RSPO2: variants seen among roughly 807,000 people sequenced by gnomAD.
RSPO2 encodes the protein R-spondin-2.
RSPO2 carries 14 observed loss-of-function variants against 30.9 expected under a neutral mutation model. That is an observed-to-expected ratio of 0.45 (90% CI 0.30 to 0.71). RSPO2 has a LOEUF of 0.71. RSPO2 is among the 30% of genes least tolerant of loss of function. The probability of loss-of-function intolerance (pLI) is 0.08; values close to 1 mark genes in which losing one functional copy is unlikely to be tolerated. For synonymous variants in RSPO2, 107 were observed against 96.4 expected, an observed-to-expected ratio of 1.11 and a Z score of -0.64; for missense variants, 264 against 301.9, an observed-to-expected ratio of 0.87 and a Z score of 0.93.
intron 2 of RSPO2, among the ~76,000 whole-genome samples, chr8:107,992,625 A>G (rs1814884508): frequency 6.6e-6 from 1 of 152,182 alleles, no homozygotes; most frequent in Non-Finnish European, 1.5e-5. Flanking sequence ...CCAGATAAAG[A>G]CATGAGTTCT....
At chr8:108,035,854 G>C (rs1309126077) in intron 2 of RSPO2, among the ~76,000 whole-genome samples, 2 of 152,118 alleles carry the variant, frequency 1.3e-5, no homozygotes, top group African/African-American at 4.8e-5. Flanking sequence ...GGGCTCTTGA[G>C]TCACCAAATG....
intron 2 of RSPO2, among the ~76,000 whole-genome samples, chr8:108,017,150 G>A (rs1682793661): frequency 6.6e-6 from 1 of 151,826 alleles, no homozygotes; most frequent in African/African-American, 2.4e-5. Context: ...CCGAGTAGCT[G>A]GGACTACAGG....
chr8:108,022,938 A>C (rs1381527354), intron 2 of RSPO2, among the ~76,000 whole-genome samples: 1 of 151,048 alleles, frequency 6.6e-6, no homozygotes, highest in Admixed American at 6.6e-5. Context: ...AAAAACAAAA[A>C]AAAAAACCAC....
chr8:108,074,306 A>G (rs1490805833), intron 2 of RSPO2, among the ~76,000 whole-genome samples: 1 of 152,196 alleles, frequency 6.6e-6, no homozygotes, highest in East Asian at 1.9e-4. Flanking sequence ...ATTTTAGAGT[A>G]AAAAATAAGA....
intron 3 of RSPO2, among the ~76,000 whole-genome samples, chr8:107,962,826 A>T (rs1813675086): frequency 6.6e-6 from 1 of 152,162 alleles, no homozygotes. Context: ...GAAAAAGAGG[A>T]CTTTACACTT....
chr8:108,003,176 C>G (rs1329498891), intron 2 of RSPO2, among the ~76,000 whole-genome samples: 1 of 148,812 alleles, frequency 6.7e-6, no homozygotes, highest in African/African-American at 2.5e-5. Context: ...CTCAGCCTCC[C>G]AAGTAGCTGG....
Position 108,059,288 on chromosome 8 carries a change from A to T in RSPO2, c.94+23257T>A, listed in dbSNP as rs566565425. ...ACTGGCCATCAGAGAAATGCAAATC[A>T]AAACCACAATGAGATACCATCTCAT... On this transcript the variant is annotated intron_variant, in intron 2 of 5. Coordinates refer to ENST00000276659, the MANE Select transcript of RSPO2 (RefSeq NM_178565.5). 2.9e-4 allele frequency among the ~76,000 whole-genome samples: 44 copies of T among 152,068 alleles called. 3 individuals carry two copies. Among genetic ancestry groups the T allele is most frequent in the African/African-American group, 1.1e-3 (44 of 41,320 alleles).
chr8:107,987,028 C>G (rs1229915090), intron 3 of RSPO2, among the ~76,000 whole-genome samples: 1 of 152,114 alleles, frequency 6.6e-6, no homozygotes, highest in Non-Finnish European at 1.5e-5. Flanking sequence ...TTAATCCAAA[C>G]AATTCCATGA....
chr8:108,071,732 A>AAC (rs1304026947), intron 2 of RSPO2, among the ~76,000 whole-genome samples: 1 of 152,284 alleles, frequency 6.6e-6, no homozygotes, highest in African/African-American at 2.4e-5. Flanking sequence ...AATTCCCTTA[A>AAC]ACACACACAC....
intron 2 of RSPO2, among the ~76,000 whole-genome samples, chr8:108,053,355 A>T (rs1169004944): frequency 6.6e-6 from 1 of 152,216 alleles, no homozygotes; most frequent in Non-Finnish European, 1.5e-5. Context: ...TTCTTAAAAG[A>T]GTTGGAAATC....
At chr8:108,036,419 A>G (rs1321432409) in intron 2 of RSPO2, among the ~76,000 whole-genome samples, 4 of 152,162 alleles carry the variant, frequency 2.6e-5, no homozygotes, top group Non-Finnish European at 5.9e-5. Context: ...AAAACTGACC[A>G]TCTTTCAAGT....
rs865921977 is a variant in RSPO2 at position 107,930,813 on chromosome 8, A to T, written c.616+27267T>A. Reference sequence around the variant, plus strand: ...AGATCAACAGCAGAGCCAGGCATTGAGGTTTGCCCGATTACCAGACACTTG... The same window carrying T: ...AGATCAACAGCAGAGCCAGGCATTGTGGTTTGCCCGATTACCAGACACTTG... On this transcript the variant is annotated intron_variant, in intron 5 of 5. Coordinates refer to ENST00000276659, the MANE Select transcript of RSPO2 (RefSeq NM_178565.5). Among the ~76,000 whole-genome samples the T allele has an allele frequency of 5.6e-4, 86 of 152,304 alleles. 1 individual carries two copies. The highest frequency in any genetic ancestry group is 1.9e-3 in the South Asian group (9 of 4,828).
At chr8:107,942,613 T>C (rs1812935199) in intron 5 of RSPO2, among the ~76,000 whole-genome samples, 1 of 152,180 alleles carries the variant, frequency 6.6e-6, no homozygotes. Flanking sequence ...AAATACAAAA[T>C]CATGTTTGCC....
intron 2 of RSPO2, among the ~76,000 whole-genome samples, chr8:108,038,802 A>G (rs71524735): frequency 0.031 from 4,706 of 152,130 alleles, 103 homozygotes; most frequent in South Asian, 0.053. Context: ...AAGAATGTAC[A>G]TTGTTTATTT....
chr8:107,923,721 T>C (rs1013811364), intron 5 of RSPO2, among the ~76,000 whole-genome samples: 2 of 152,078 alleles, frequency 1.3e-5, no homozygotes, highest in Non-Finnish European at 2.9e-5. Context: ...ATATATACCA[T>C]GGAATACTAT....
intron 3 of RSPO2, among the ~76,000 whole-genome samples, chr8:107,965,798 T>C (rs1329814425): frequency 2.0e-5 from 3 of 152,238 alleles, no homozygotes; most frequent in Non-Finnish European, 2.9e-5. Flanking sequence ...GCACATGCAC[T>C]GTATTTCTAA....
intron 5 of RSPO2, among the ~76,000 whole-genome samples, chr8:107,914,045 A>G (rs1377488626): frequency 4.6e-5 from 7 of 152,290 alleles, no homozygotes; most frequent in East Asian, 1.9e-4. Context: ...ATGAATCACC[A>G]GTGAATCAGA....
chr8:107,913,392 C>T (rs1216751384), intron 5 of RSPO2, among the ~76,000 whole-genome samples: 1 of 152,096 alleles, frequency 6.6e-6, no homozygotes, highest in Non-Finnish European at 1.5e-5. Flanking sequence ...TGGTTTGATA[C>T]AAGACGAGGA....
At chr8:108,006,985 G>C (rs1249579345) in intron 2 of RSPO2, among the ~76,000 whole-genome samples, 1 of 152,106 alleles carries the variant, frequency 6.6e-6, no homozygotes, top group South Asian at 2.1e-4. Flanking sequence ...CTAAAAATAA[G>C]AACACTGTTT....
Sources: gnomAD v4.1 joint callset for allele counts (sites outside exome capture counted in the v4.1 genomes callset) on GRCh38, gnomAD v4.1.1 for gene constraint, MANE v1.5 for transcripts, NCBI Gene and HGNC (gene_info 2026-07-23, HGNC 2026-07-21) for gene names.